GPC5: variants seen among roughly 807,000 people sequenced by gnomAD.
GPC5 encodes the protein glypican 5, also known as glypican-5.
Under a neutral mutation model 53.9 loss-of-function variants are expected in GPC5, and 47 were observed. The observed-to-expected ratio is 0.87, with a 90% CI of 0.69 to 1.11. The LOEUF (loss-of-function observed/expected upper bound fraction) is 1.11. GPC5 is among the 50% of genes most tolerant of loss of function. The probability of loss-of-function intolerance (pLI) is 0.00; values close to 1 mark genes in which losing one functional copy is unlikely to be tolerated. For missense variants in GPC5, 748 were observed against 713.1 expected (o/e 1.05, Z -0.56); for synonymous variants, 286 against 263.3 (o/e 1.09, Z -0.84).
At chr13:92,638,123 A>G (rs1202014936) in intron 7 of GPC5, among the ~76,000 whole-genome samples, 1 of 152,178 alleles carries the variant, frequency 6.6e-6, no homozygotes, top group Admixed American at 6.5e-5. Flanking sequence ...GGGTAATTGG[A>G]TTCCCCAAAG....
At chr13:92,124,624 G>A (rs1422017802) in intron 6 of GPC5, among the ~76,000 whole-genome samples, 2 of 152,152 alleles carry the variant, frequency 1.3e-5, no homozygotes, top group Non-Finnish European at 2.9e-5. Flanking sequence ...GTGTTCTGCA[G>A]AGTCAGACTT....
chr13:91,452,743 A>T (rs1322518293), intron 2 of GPC5, among the ~76,000 whole-genome samples: 1 of 152,144 alleles, frequency 6.6e-6, no homozygotes, highest in East Asian at 1.9e-4. Flanking sequence ...TCTCTGTTTA[A>T]ATAAAATAAT....
chr13:92,695,140 C>G (rs1294416586), intron 7 of GPC5, among the ~76,000 whole-genome samples: 2 of 152,122 alleles, frequency 1.3e-5, no homozygotes, highest in African/African-American at 4.8e-5. Flanking sequence ...ATAAATTATC[C>G]AAACTCAGGC....
intron 7 of GPC5, among the ~76,000 whole-genome samples, chr13:92,573,700 A>G (rs1413047543): frequency 2.0e-5 from 3 of 152,160 alleles, no homozygotes; most frequent in Non-Finnish European, 2.9e-5. Context: ...TGTGAAGACA[A>G]CTGATCATAG....
At chr13:92,076,445 T>G (rs1406987515) in intron 6 of GPC5, among the ~76,000 whole-genome samples, 1 of 152,182 alleles carries the variant, frequency 6.6e-6, no homozygotes, top group African/African-American at 2.4e-5. Context: ...TTAAATTTAT[T>G]TTACATTAAT....
At chr13:92,315,559 T>C (rs540238289) in intron 7 of GPC5, among the ~76,000 whole-genome samples, 2 of 152,326 alleles carry the variant, frequency 1.3e-5, no homozygotes, top group East Asian at 3.9e-4. Context: ...TCAAGTGTCT[T>C]GGTCATGGGT....
intron 6 of GPC5, among the ~76,000 whole-genome samples, chr13:91,952,116 A>G (rs938313503): frequency 1.3e-5 from 2 of 152,076 alleles, no homozygotes; most frequent in Non-Finnish European, 2.9e-5. Context: ...ATGTTCTGCT[A>G]GGTATTATGA....
At chr13:92,299,728 T>A (rs1217267079) in intron 7 of GPC5, among the ~76,000 whole-genome samples, 1 of 152,208 alleles carries the variant, frequency 6.6e-6, no homozygotes, top group Non-Finnish European at 1.5e-5. Flanking sequence ...TGTGTTGTCA[T>A]CCTATGTATC....
intron 7 of GPC5, among the ~76,000 whole-genome samples, chr13:92,597,296 A>G (rs888664769): frequency 6.6e-5 from 10 of 151,902 alleles, no homozygotes; most frequent in Non-Finnish European, 1.0e-4. Context: ...TGTAGAGAAA[A>G]GGAAACATTC....
intron 6 of GPC5, among the ~76,000 whole-genome samples, chr13:92,094,024 C>A (rs1314629772): frequency 1.3e-5 from 2 of 152,064 alleles, no homozygotes; most frequent in African/African-American, 2.4e-5. Context: ...TTAACCTTTA[C>A]CTCATAATGC....
At chr13:91,683,239 C>T (rs1025429142) in intron 2 of GPC5, among the ~76,000 whole-genome samples, 23 of 152,148 alleles carry the variant, frequency 1.5e-4, no homozygotes, top group Admixed American at 7.9e-4. Context: ...CAAGAAATGG[C>T]AGCAGCCACC....
In GPC5 at chr13:92,829,046, C is replaced by T. The variant is rs532230834; in HGVS notation, c.1562-37236C>T. 3.9e-5 allele frequency among the ~76,000 whole-genome samples: 6 copies of T among 152,212 alleles called. No individual in the cohort carries two copies. The South Asian group carries it at 8.3e-4, about 21-fold the overall frequency. On this transcript the variant is annotated intron_variant, in intron 7 of 7. Coordinates refer to ENST00000377067, the MANE Select transcript of GPC5 (RefSeq NM_004466.6). Reference sequence around the variant, plus strand: ...TGAAATAAAATGCACCCTCCCGAGACGTTTACTATGCAGAGCCACCTTCTC... The same window carrying T: ...TGAAATAAAATGCACCCTCCCGAGATGTTTACTATGCAGAGCCACCTTCTC...
intron 7 of GPC5, among the ~76,000 whole-genome samples, chr13:92,243,636 T>C (rs2042629694): frequency 6.6e-6 from 1 of 152,144 alleles, no homozygotes; most frequent in Non-Finnish European, 1.5e-5. Context: ...TTTATTGAAG[T>C]GTAGAAATGA....
At chr13:92,721,948 A>C (rs1161909855) in intron 7 of GPC5, among the ~76,000 whole-genome samples, 1 of 152,040 alleles carries the variant, frequency 6.6e-6, no homozygotes, top group Admixed American at 6.6e-5. Flanking sequence ...TAGATAACAC[A>C]GATGGGCACC....
intron 7 of GPC5, among the ~76,000 whole-genome samples, chr13:92,585,262 A>G (rs1883502355): frequency 6.6e-6 from 1 of 152,176 alleles, no homozygotes; most frequent in African/African-American, 2.4e-5. Flanking sequence ...CAGCAAAGCC[A>G]CAGGGGTGGA....
chr13:92,132,389 A>G (rs2041751501), intron 6 of GPC5, among the ~76,000 whole-genome samples: 1 of 152,124 alleles, frequency 6.6e-6, no homozygotes, highest in Non-Finnish European at 1.5e-5. Flanking sequence ...TAAAACACCA[A>G]AAATTTATTG....
intron 7 of GPC5, among the ~76,000 whole-genome samples, chr13:92,642,969 C>T (rs1885643207): frequency 6.6e-6 from 1 of 152,144 alleles, no homozygotes; most frequent in South Asian, 2.1e-4. Flanking sequence ...GTTTCTGGCT[C>T]TTGAAAACTT....
intron 4 of GPC5, among the ~76,000 whole-genome samples, chr13:91,741,334 T>C (rs2036929428): frequency 1.3e-5 from 2 of 152,182 alleles, no homozygotes; most frequent in Admixed American, 6.6e-5. Context: ...CTTGGAACAT[T>C]AACAGTTTTA....
At chr13:92,567,543 T>C (rs1393345080) in intron 7 of GPC5, among the ~76,000 whole-genome samples, 4 of 152,150 alleles carry the variant, frequency 2.6e-5, no homozygotes, top group African/African-American at 4.8e-5. Flanking sequence ...TATCCTGGAT[T>C]AATCGAATGG....
Sources: allele counts gnomAD v4.1 joint callset (sites outside exome capture counted in the v4.1 genomes callset), GRCh38; gene constraint gnomAD v4.1.1; transcripts MANE v1.5; gene names NCBI Gene and HGNC (gene_info 2026-07-23, HGNC 2026-07-21).